SLC6A6: variants seen among roughly 807,000 people sequenced by gnomAD.
SLC6A6 encodes sodium- and chloride-dependent taurine transporter.
Under a neutral mutation model 68.8 loss-of-function variants are expected in SLC6A6, and 16 were observed. The observed-to-expected ratio is 0.23, with a 90% confidence interval of 0.16 to 0.35. SLC6A6 has a LOEUF of 0.35. Among genes scored for constraint, SLC6A6 ranks in the 10% least tolerant of loss-of-function variants. The pLI is 1.00. For synonymous variants in SLC6A6, 312 were observed against 315.4 expected, an observed-to-expected ratio of 0.99 and a Z score of 0.12; for missense variants, 474 against 802.8, an observed-to-expected ratio of 0.59 and a Z score of 4.95.
chr3:14,420,051 C>G (rs1263673923), intron 2 of SLC6A6, among the ~76,000 whole-genome samples: 2 of 152,172 alleles, frequency 1.3e-5, no homozygotes, highest in African/African-American at 4.8e-5. Context: ...CAGGCCTGTT[C>G]AACAGAAGTG....
At chr3:14,475,171 A>G (rs1329465086) in intron 10 of SLC6A6, among the ~76,000 whole-genome samples, 1 of 150,784 alleles carries the variant, frequency 6.6e-6, no homozygotes, top group East Asian at 1.9e-4. Context: ...AGCTGGGATT[A>G]CAGGCATGTG....
intron 2 of SLC6A6, among the ~76,000 whole-genome samples, chr3:14,433,786 G>A (rs1388046802): frequency 3.4e-5 from 4 of 116,154 alleles, no homozygotes; most frequent in Non-Finnish European, 6.5e-5. Flanking sequence ...TTGGGCAACA[G>A]AGCTAGACTC....
At chr3:14,415,229 CTGTT>C (rs1215774826) in intron 1 of SLC6A6, among the ~76,000 whole-genome samples, 1 of 152,256 alleles carries the variant, frequency 6.6e-6, no homozygotes, top group Non-Finnish European at 1.5e-5. Context: ...TGTTGACTGA[CTGTT>C]CCTACTCCAC....
At chr3:14,429,693 T>G (rs1699680192) in intron 2 of SLC6A6, among the ~76,000 whole-genome samples, 1 of 152,190 alleles carries the variant, frequency 6.6e-6, no homozygotes, top group South Asian at 2.1e-4. Context: ...CCTTGAAAAT[T>G]CAGTCAGTAG....
intron 7 of SLC6A6, 137 bp downstream of exon 7, chr3:14,466,787 C>T (rs1700629718): frequency 5.4e-6 from 4 of 743,526 alleles, no homozygotes; most frequent in South Asian, 3.1e-5. Flanking sequence ...GCCACCGCCC[C>T]CTGGTACTTT....
chr3:14,461,720 C>G (rs1700500070), intron 6 of SLC6A6, among the ~76,000 whole-genome samples: 1 of 152,234 alleles, frequency 6.6e-6, no homozygotes, highest in Non-Finnish European at 1.5e-5. Context: ...AAGGCCCTTT[C>G]ACTTTCTCAG....
intron 2 of SLC6A6, among the ~76,000 whole-genome samples, chr3:14,435,801 A>C (rs1574928888): frequency 6.6e-6 from 1 of 152,238 alleles, no homozygotes; most frequent in African/African-American, 2.4e-5. Context: ...TATAAACCAG[A>C]TTTCAACATC....
At chr3:14,449,735 C>T (rs970471880) in intron 5 of SLC6A6, among the ~76,000 whole-genome samples, 1 of 151,944 alleles carries the variant, frequency 6.6e-6, no homozygotes, top group African/African-American at 2.4e-5. Context: ...CCTGAGAATC[C>T]ATTATTATTA....
chr3:14,417,027 G>A (rs1477605377), intron 2 of SLC6A6, among the ~76,000 whole-genome samples: 1 of 152,140 alleles, frequency 6.6e-6, no homozygotes, highest in Non-Finnish European at 1.5e-5. Flanking sequence ...GTATTTTTTG[G>A]AGTAACGGGG....
intron 6 of SLC6A6, among the ~76,000 whole-genome samples, chr3:14,462,023 T>C (rs1280072487): frequency 6.6e-6 from 1 of 152,192 alleles, no homozygotes; most frequent in Admixed American, 6.5e-5. Flanking sequence ...CCACAGGGCT[T>C]TTGGGTCTAG....
chr3:14,478,619 TCTACTTAGAAGCTTCAG>T, intron 12 of SLC6A6, 51 bp downstream of exon 12: 6 of 1,148,282 alleles, frequency 5.2e-6, no homozygotes, highest in Non-Finnish European at 7.9e-6. Flanking sequence ...TTTGGGCTTC[TCTACTTAGAAGCTTCAG>T]AAGCAGAGAA....
intron 1 of SLC6A6, among the ~76,000 whole-genome samples, chr3:14,410,076 CTTG>C (rs758003276): frequency 1.3e-5 from 2 of 149,932 alleles, no homozygotes; most frequent in African/African-American, 2.5e-5. Flanking sequence ...ATCCCAGCTG[CTTG>C]GGAGGCTGAG....
intron 1 of SLC6A6, among the ~76,000 whole-genome samples, chr3:14,404,765 C>G (rs999029836): frequency 6.6e-6 from 1 of 152,204 alleles, no homozygotes; most frequent in Non-Finnish European, 1.5e-5. Context: ...AAGCCGGGCT[C>G]GGCTGTAGAG....
At chr3:14,452,535 G>A (rs759577540) in intron 5 of SLC6A6, among the ~76,000 whole-genome samples, 21 of 152,146 alleles carry the variant, frequency 1.4e-4, no homozygotes, top group Non-Finnish European at 2.6e-4. Context: ...CCCAGAGCCC[G>A]GGCCAGGCTT....
chr3:14,407,769 G>C (rs576787519), intron 1 of SLC6A6, among the ~76,000 whole-genome samples: 4 of 152,066 alleles, frequency 2.6e-5, no homozygotes, highest in Non-Finnish European at 5.9e-5. Context: ...GCCTCCCAGA[G>C]TGCTGGGATT....
chr3:14,466,414 C>T, intron 6 of SLC6A6, 102 bp from the exon 7 acceptor site: 2 of 1,359,200 alleles, frequency 1.5e-6, no homozygotes, highest in Non-Finnish European at 1.0e-6. Context: ...TCCAGAACTC[C>T]TGATCCTGAC....
intron 14 of SLC6A6, among the ~76,000 whole-genome samples, chr3:14,483,423 A>G (rs1318986740): frequency 1.3e-5 from 2 of 152,236 alleles, no homozygotes; most frequent in Non-Finnish European, 2.9e-5. Context: ...TCTCTGTCCC[A>G]GGATGGTTCC....
At chr3:14,432,972 G>A (rs900823609) in intron 2 of SLC6A6, among the ~76,000 whole-genome samples, 10 of 152,344 alleles carry the variant, frequency 6.6e-5, no homozygotes, top group African/African-American at 2.2e-4. Flanking sequence ...GACCAGAGAC[G>A]TCTTTGAAGC....
Position 14,468,155 on chromosome 3 carries a change from A to T in SLC6A6, c.1039A>T (p.Ile347Phe). ...TGTGTCTGGCTTCGCAATTTTTTCC[A>T]TCCTGGGCTTCATGGCACAAGAGCA... ...SFVSGFAIFS[I>F]LGFMAQEQGV... The change falls in exon 9 of 15, where the codon ATC (isoleucine) becomes TTC (phenylalanine). Residue 347 changes from isoleucine to phenylalanine, a missense_variant. Ile to Phe is a conservative substitution (Grantham distance 21). This residue lies in a region of SLC6A6 where 280 missense variants were observed against 533.1 expected (regional missense o/e 0.53). Coordinates refer to ENST00000622186, the MANE Select transcript of SLC6A6 (RefSeq NM_003043.6). The surrounding 1 kb of genome is among the most constrained non-coding windows in gnomAD (Gnocchi z 4.5). The T allele has an allele frequency of 1.2e-6, 2 of 1,614,074 alleles. No homozygotes were observed. The highest frequency in any genetic ancestry group is 1.7e-6 in the Non-Finnish European group (2 of 1,180,012).
Sources: allele counts gnomAD v4.1 joint callset (sites outside exome capture counted in the v4.1 genomes callset), GRCh38; gene constraint gnomAD v4.1.1; regional missense constraint gnomAD v4.1.1; non-coding constraint Gnocchi (gnomAD v3.1); transcripts MANE v1.5; gene names NCBI Gene and HGNC (gene_info 2026-07-23, HGNC 2026-07-21).